GRM7: variants seen among roughly 807,000 people sequenced by gnomAD.
The protein encoded by GRM7 is metabotropic glutamate receptor 7.
GRM7 carries 35 observed loss-of-function variants against 84.5 expected under a neutral mutation model. The ratio of observed to expected loss-of-function variants is 0.41; its 90% CI spans 0.32 to 0.55. The LOEUF is 0.55. Ranked by LOEUF, GRM7 falls within the 20% of genes least tolerant of loss-of-function variation. GRM7 has a pLI of 0.19. For synonymous variants in GRM7, 487 were observed against 455.1 expected (o/e 1.07, Z -0.89); for missense variants, 1,003 against 1,194.6 (o/e 0.84, Z 2.36).
At chr3:7,722,239 A>G (rs562703161) in intron 9 of GRM7, among the ~76,000 whole-genome samples, 6 of 152,226 alleles carry the variant, frequency 3.9e-5, no homozygotes, top group Admixed American at 1.3e-4. Context: ...CAGAAGATTA[A>G]GCATAGCTAA....
chr3:7,345,832 CA>C lies in GRM7; in HGVS notation c.1033+39190del, dbSNP rs141494248. Among the ~76,000 whole-genome samples, 102 of 148,442 alleles carry C rather than the reference CA, an allele frequency of 6.9e-4. 1 individual carries two copies. The South Asian group carries it at 9.2e-3, about 13-fold the overall frequency. On this transcript the variant is annotated intron_variant, in intron 4 of 9. Transcript: ENST00000357716. ...AAGTGTGTTCATACTCAAAGAGCCT[CA>C]AAAAAAAAATCAATTTGGAAGATGT...
At chr3:7,630,318 G>A (rs1292727124) in intron 8 of GRM7, among the ~76,000 whole-genome samples, 4 of 151,156 alleles carry the variant, frequency 2.6e-5, no homozygotes, top group Non-Finnish European at 1.5e-5. Flanking sequence ...CTGATTAGAT[G>A]CAAACAAGCA....
intron 1 of GRM7, among the ~76,000 whole-genome samples, chr3:7,063,383 C>T (rs1374285929): frequency 1.3e-5 from 2 of 151,740 alleles, no homozygotes; most frequent in Admixed American, 6.6e-5. Flanking sequence ...GTTATTGGAC[C>T]ATGAAGACTA....
chr3:7,568,556 A>C (rs1490393049), intron 7 of GRM7, among the ~76,000 whole-genome samples: 1 of 152,226 alleles, frequency 6.6e-6, no homozygotes, highest in African/African-American at 2.4e-5. Flanking sequence ...TGGGCTGGCC[A>C]AGGCCGGAGC....
intron 1 of GRM7, among the ~76,000 whole-genome samples, chr3:7,142,790 ATGT>A (rs1693991849): frequency 6.6e-6 from 1 of 152,164 alleles, no homozygotes; most frequent in Non-Finnish European, 1.5e-5. Flanking sequence ...TAAATAGCAT[ATGT>A]TGTTAATTTT....
chr3:7,632,062 A>G (rs1055261644), intron 8 of GRM7, among the ~76,000 whole-genome samples: 14 of 152,232 alleles, frequency 9.2e-5, no homozygotes, highest in African/African-American at 9.6e-5. Context: ...AACAATACAC[A>G]GGCCCTGAAG....
intron 1 of GRM7, among the ~76,000 whole-genome samples, chr3:7,136,684 C>T (rs1297276022): frequency 6.6e-6 from 1 of 152,044 alleles, no homozygotes; most frequent in Admixed American, 6.6e-5. Flanking sequence ...AGGAGCAGGT[C>T]AAAGAAATCT....
chr3:7,344,462 A>G (rs938191984), intron 4 of GRM7, among the ~76,000 whole-genome samples: 8 of 152,162 alleles, frequency 5.3e-5, no homozygotes, highest in African/African-American at 1.9e-4. Context: ...CATGGCGTAT[A>G]TGTACCACAT....
At chr3:7,142,570 A>T (rs1177055707) in intron 1 of GRM7, among the ~76,000 whole-genome samples, 1 of 152,112 alleles carries the variant, frequency 6.6e-6, no homozygotes, top group Admixed American at 6.6e-5. Flanking sequence ...AATTGCCTCC[A>T]CTTGGTCTCT....
At chr3:7,670,952 C>T (rs1699895317) in intron 8 of GRM7, among the ~76,000 whole-genome samples, 1 of 152,168 alleles carries the variant, frequency 6.6e-6, no homozygotes, top group South Asian at 2.1e-4. Context: ...AGGGAAAATG[C>T]TGTGCTTTTG....
intron 7 of GRM7, among the ~76,000 whole-genome samples, chr3:7,475,656 G>C (rs368199326): frequency 3.3e-5 from 5 of 152,190 alleles, no homozygotes; most frequent in African/African-American, 9.7e-5. Flanking sequence ...ATAACGAGAG[G>C]AGGCTTGAGC....
chr3:7,681,557 T>C (rs1700368269), intron 9 of GRM7: 1 of 152,240 alleles, frequency 6.6e-6, no homozygotes, highest in Admixed American at 6.5e-5. Flanking sequence ...GGGCTCCAGT[T>C]TGACTTTGTG....
intron 8 of GRM7, among the ~76,000 whole-genome samples, chr3:7,672,357 T>A (rs1373352774): frequency 6.6e-6 from 1 of 152,218 alleles, no homozygotes; most frequent in Non-Finnish European, 1.5e-5. Flanking sequence ...ATAATGTGAA[T>A]GTTTCAAACA....
chr3:7,673,626 A>AT (rs1185969570), intron 8 of GRM7, among the ~76,000 whole-genome samples: 1 of 152,156 alleles, frequency 6.6e-6, no homozygotes, highest in South Asian at 2.1e-4. Flanking sequence ...ACTTTACCTG[A>AT]TAAAAAGTGA....
At chr3:7,102,249 T>TGATATTATTTGTCTGATGATAA (rs1699136794) in intron 1 of GRM7, among the ~76,000 whole-genome samples, 2 of 151,766 alleles carry the variant, frequency 1.3e-5, no homozygotes, top group Non-Finnish European at 2.9e-5. Context: ...TGATATTTTA[T>TGATATTATTTGTCTGATGATAA]TTTCAGTGTT....
rs186538864 is a variant in GRM7, at chr3:7,454,670, C to T, written c.1375+1863C>T. ...ACTGAGAAAATAATTATATATATTG[C>T]GGATAATGAGAGCCAGGTTTCTCAT... On this transcript the variant is annotated intron_variant, in intron 6 of 9. Coordinates refer to ENST00000357716, the MANE Select transcript of GRM7 (RefSeq NM_000844.4). Among the ~76,000 whole-genome samples the T allele has an allele frequency of 1.4e-3, 213 of 151,746 alleles. 1 individual carries two copies. Among genetic ancestry groups the T allele is most frequent in the Non-Finnish European group, 6.9e-4 (47 of 67,952 alleles).
At chr3:7,113,644 C>T (rs1692934286) in intron 1 of GRM7, among the ~76,000 whole-genome samples, 1 of 152,022 alleles carries the variant, frequency 6.6e-6, no homozygotes, top group African/African-American at 2.4e-5. Flanking sequence ...TTTATATTTG[C>T]AGTGTTTTTT....
At chr3:6,868,613 G>T (rs1370546095) in intron 1 of GRM7, among the ~76,000 whole-genome samples, 1 of 152,080 alleles carries the variant, frequency 6.6e-6, no homozygotes, top group South Asian at 2.1e-4. Context: ...GATTATGATG[G>T]CTCTTTCTAA....
intron 2 of GRM7, among the ~76,000 whole-genome samples, chr3:7,258,403 G>A (rs759669578): frequency 6.6e-6 from 1 of 152,094 alleles, no homozygotes; most frequent in African/African-American, 2.4e-5. Flanking sequence ...GGTGTAAAGA[G>A]GTAACATTAC....
Sources: allele counts gnomAD v4.1 joint callset (sites outside exome capture counted in the v4.1 genomes callset), GRCh38; gene constraint gnomAD v4.1.1; transcripts MANE v1.5; gene names NCBI Gene and HGNC (gene_info 2026-07-23, HGNC 2026-07-21).